Variants in SKIC3 observed in about 807,000 individuals in gnomAD.
SKIC3 encodes superkiller complex protein 3.
At chr5:95,553,130 T>C in the SKIC3 span, among the ~76,000 whole-genome samples, 1 of 152,172 alleles carries the variant, frequency 6.6e-6, no homozygotes, top group Non-Finnish European at 1.5e-5. Context: ...AGATGGGAAG[T>C]AGGACTAGAA....
the SKIC3 span, among the ~76,000 whole-genome samples, chr5:95,515,364 A>G: frequency 6.6e-6 from 1 of 152,196 alleles, no homozygotes. Context: ...AGGAGTGATC[A>G]ACAACATAAT....
the SKIC3 span, among the ~76,000 whole-genome samples, chr5:95,512,044 T>C: frequency 5.3e-5 from 8 of 152,220 alleles, no homozygotes; most frequent in Non-Finnish European, 1.2e-4. Flanking sequence ...GCACTTCATT[T>C]ATATTATCTC....
the SKIC3 span, among the ~76,000 whole-genome samples, chr5:95,524,071 G>A: frequency 6.6e-6 from 1 of 152,152 alleles, no homozygotes; most frequent in African/African-American, 2.4e-5. Context: ...TAAAGGAAAT[G>A]TGAAATTAGA....
At chr5:95,468,996 T>C in the SKIC3 span, among the ~76,000 whole-genome samples, 5 of 152,212 alleles carry the variant, frequency 3.3e-5, no homozygotes. Flanking sequence ...TAATCAGCCA[T>C]ATGGTCTTAA....
chr5:95,518,769 A>T, the SKIC3 span, among the ~76,000 whole-genome samples: 1 of 152,072 alleles, frequency 6.6e-6, no homozygotes, highest in East Asian at 1.9e-4. Flanking sequence ...TGCAATAAAC[A>T]TGAGGGTACA....
At chr5:95,527,120 T>G in the SKIC3 span, among the ~76,000 whole-genome samples, 1 of 152,222 alleles carries the variant, frequency 6.6e-6, no homozygotes, top group Non-Finnish European at 1.5e-5. Flanking sequence ...AATCTCTTTA[T>G]GCTAGCTCTT....
the SKIC3 span, chr5:95,482,592 G>A: frequency 1.2e-6 from 2 of 1,613,972 alleles, no homozygotes; most frequent in Non-Finnish European, 1.7e-6. Context: ...TGTCTCAAAA[G>A]TAAGATAACG....
At chr5:95,533,030 T>C in the SKIC3 span, among the ~76,000 whole-genome samples, 3 of 152,176 alleles carry the variant, frequency 2.0e-5, 1 homozygote, top group African/African-American at 7.2e-5. Flanking sequence ...GATTTTCTAA[T>C]AGTTTTAAAG....
At chr5:95,501,457 C>A in the SKIC3 span, among the ~76,000 whole-genome samples, 111 of 152,058 alleles carry the variant, frequency 7.3e-4, no homozygotes, top group Middle Eastern at 3.4e-3. Context: ...CATATGAATG[C>A]CAAACAACAG....
chr5:95,487,034 G>A, the SKIC3 span, among the ~76,000 whole-genome samples: 3 of 152,200 alleles, frequency 2.0e-5, no homozygotes, highest in African/African-American at 7.2e-5. Context: ...TCAGTGGGCT[G>A]AGGAAGGCAG....
the SKIC3 span, chr5:95,520,753 C>T: frequency 2.9e-4 from 466 of 1,611,848 alleles, 2 homozygotes; most frequent in African/African-American, 2.6e-3. Context: ...ATGTAGTCTA[C>T]GGCTTTTCCA....
At chr5:95,554,225 A>C in the SKIC3 span, among the ~76,000 whole-genome samples, 4 of 152,302 alleles carry the variant, frequency 2.6e-5, no homozygotes, top group African/African-American at 7.2e-5. Context: ...GCAAAAAAAA[A>C]CCTGCCAGAT....
the SKIC3 span, among the ~76,000 whole-genome samples, chr5:95,476,674 G>A: frequency 6.6e-6 from 1 of 152,122 alleles, no homozygotes; most frequent in East Asian, 1.9e-4. Context: ...ACTACTAAGG[G>A]CTTTAAACAG....
chr5:95,518,348 T>C, the SKIC3 span, among the ~76,000 whole-genome samples: 1 of 152,080 alleles, frequency 6.6e-6, no homozygotes, highest in East Asian at 1.9e-4. Flanking sequence ...TATTTGAAAC[T>C]ATATATTATT....
the SKIC3 span, among the ~76,000 whole-genome samples, chr5:95,535,307 A>ATTTTTTTTTTTTTTTTTTTTTTTTTTTTT: frequency 1.1e-5 from 1 of 91,808 alleles, no homozygotes; most frequent in African/African-American, 4.3e-5. Flanking sequence ...GGTAACAGCA[A>ATTTTTTTTTTTTTTTTTTTTTTTTTTTTT]TTTTTTTTTT....
the SKIC3 span, among the ~76,000 whole-genome samples, chr5:95,547,737 A>G: frequency 2.0e-5 from 3 of 152,116 alleles, no homozygotes; most frequent in African/African-American, 7.2e-5. Flanking sequence ...CTCCCACTCT[A>G]TACAAAGCTA....
the SKIC3 span, among the ~76,000 whole-genome samples, chr5:95,549,748 AATTTTT>A: frequency 6.7e-6 from 1 of 149,882 alleles, no homozygotes; most frequent in African/African-American, 2.5e-5. Flanking sequence ...CTTTTTTTTT[AATTTTT>A]ATTTTTATTT....
the SKIC3 span, among the ~76,000 whole-genome samples, chr5:95,540,214 A>G: frequency 3.9e-5 from 6 of 152,204 alleles, no homozygotes; most frequent in African/African-American, 1.4e-4. Flanking sequence ...GTATGTTCTC[A>G]CTCATACGTG....
chr5:95,508,703 C>CT, the SKIC3 span, among the ~76,000 whole-genome samples: 454 of 152,310 alleles, frequency 3.0e-3, 3 homozygotes, highest in African/African-American at 0.011. Flanking sequence ...TGTTTATTAG[C>CT]TTATCATGTC....
Sources: allele counts gnomAD v4.1 joint callset (sites outside exome capture counted in the v4.1 genomes callset), GRCh38; gene constraint gnomAD v4.1.1; transcripts MANE v1.5; gene names NCBI Gene and HGNC (gene_info 2026-07-23, HGNC 2026-07-21).